The following USH2A variants were observed in gnomAD, a reference collection of about 807,000 sequenced individuals.
USH2A encodes Usher syndrome 2A (autosomal recessive, mild).
In USH2A, 443 loss-of-function variants were observed where a neutral mutation model predicts 538.9. The ratio of observed to expected loss-of-function variants is 0.82; its 90% CI spans 0.76 to 0.89. The LOEUF (loss-of-function observed/expected upper bound fraction) is 0.89, where lower values mean the gene tolerates loss of function less well. Among genes scored for constraint, USH2A ranks in the 40% least tolerant of loss-of-function variants. The pLI is 0.00. For missense variants in USH2A, 6,633 were observed against 6,324.8 expected, an observed-to-expected ratio of 1.05 and a Z score of -1.65; for synonymous variants, 2,413 against 2,273.5, an observed-to-expected ratio of 1.06 and a Z score of -1.75.
chr1:216,030,145 T>A (rs1262949682), intron 32 of USH2A, among the ~76,000 whole-genome samples: 1 of 143,102 alleles, frequency 7.0e-6, no homozygotes, highest in African/African-American at 2.5e-5. Context: ...AGATATATAA[T>A]ATATATGATA....
chr1:216,185,610 A>C (rs1356280975), intron 20 of USH2A, among the ~76,000 whole-genome samples: 2 of 151,900 alleles, frequency 1.3e-5, no homozygotes, highest in African/African-American at 4.8e-5. Context: ...AATCCATTGG[A>C]GTTCATTGGA....
rs1008676595 is a variant in USH2A at position 215,961,168 on chromosome 1, A to T, written c.7120+4149T>A. Among the ~76,000 whole-genome samples, 10 of 152,090 alleles carry T rather than the reference A, an allele frequency of 6.6e-5. No homozygotes were observed. In the East Asian group the frequency reaches 1.9e-3, roughly 29 times the overall value. ...GATCATCTAATAGATATAAACATTT[A>T]AAATCGTGGCTTTCAGAAGACAGGT... On this transcript the variant is annotated intron_variant, in intron 37 of 71. Transcript: ENST00000307340.
At chr1:215,650,848 G>A (rs1390169545) in intron 64 of USH2A, 47 bp from the exon 65 acceptor site, 2 of 1,539,322 alleles carry the variant, frequency 1.3e-6, no homozygotes, top group African/African-American at 1.5e-5. Flanking sequence ...ATACCCTAAG[G>A]CTGGGAAAAA....
rs763678480 is a variant in USH2A, at chr1:216,422,031, T to A, written c.306A>T (p.Ser102=). ...GTGTGATGCAGCTACTGAGGCCTGC[T>A]GAGAAAAGGGCAGTGTAGGTAGGGT... ...SSHPTYTALF[S]AGLSSCITPD... The change falls in exon 2 of 72, where the codon TCA becomes TCT. Residue 102 remains serine (S), a synonymous_variant. Coordinates refer to ENST00000307340, the MANE Select transcript of USH2A (RefSeq NM_206933.4). 6.2e-7 allele frequency: 1 copy of A among 1,613,898 alleles called. No homozygotes were observed. The highest frequency in any genetic ancestry group is 2.2e-5 in the East Asian group (1 of 44,838).
At chr1:216,163,868 TA>T (rs2034116421) in intron 21 of USH2A, among the ~76,000 whole-genome samples, 1 of 151,978 alleles carries the variant, frequency 6.6e-6, no homozygotes, top group Admixed American at 6.6e-5. Context: ...AAGGCTCACC[TA>T]CATGGTTTTT....
intron 52 of USH2A, 128 bp downstream of exon 52, chr1:215,786,542 T>A: frequency 9.5e-7 from 1 of 1,055,310 alleles, no homozygotes; most frequent in South Asian, 1.3e-5. Context: ...CTAGCTGGCC[T>A]CAAAGTATGA....
chr1:215,878,705 C>T, intron 42 of USH2A, 59 bp downstream of exon 42: 1 of 1,556,354 alleles, frequency 6.4e-7, no homozygotes, highest in Admixed American at 1.8e-5. Flanking sequence ...CTTCATTTCC[C>T]TACTTCTCAG....
intron 32 of USH2A, among the ~76,000 whole-genome samples, chr1:216,002,067 G>A (rs1490788874): frequency 2.6e-5 from 4 of 152,256 alleles, no homozygotes; most frequent in African/African-American, 9.6e-5. Context: ...GCCAGGGACT[G>A]CTGAGAGATG....
At chr1:216,218,654 G>T (rs2035391779) in intron 14 of USH2A, among the ~76,000 whole-genome samples, 1 of 151,962 alleles carries the variant, frequency 6.6e-6, no homozygotes, top group South Asian at 2.1e-4. Context: ...ATCCCCTTGG[G>T]AATAAATAAA....
chr1:216,321,763 A>T, intron 9 of USH2A, 120 bp downstream of exon 9: 2 of 862,774 alleles, frequency 2.3e-6, no homozygotes, highest in Non-Finnish European at 3.8e-6. Context: ...TTGACATTTT[A>T]AGTTCATATC....
intron 45 of USH2A, among the ~76,000 whole-genome samples, chr1:215,845,013 C>G (rs1432493887): frequency 6.6e-6 from 1 of 152,038 alleles, no homozygotes; most frequent in East Asian, 1.9e-4. Flanking sequence ...ATGTTGATTA[C>G]CATAGGTAAT....
At chr1:215,770,040 T>C (rs1054692976) in intron 55 of USH2A, among the ~76,000 whole-genome samples, 1 of 152,220 alleles carries the variant, frequency 6.6e-6, no homozygotes, top group Non-Finnish European at 1.5e-5. Flanking sequence ...TTTGCTAATG[T>C]GTGTCAAGCA....
chr1:216,000,514 T>A lies in USH2A; in HGVS notation c.6374A>T (p.His2125Leu). Residue 2125 changes from histidine (H) to leucine (L), a missense_variant, in exon 33 of 72, where the codon CAT (histidine) becomes CTT (leucine). Transcript: ENST00000307340. ...CCAGGAACTGTTTGTACAGCCCACA[T>A]GTGTGCATGCACTTAGTAGAAACTG... ...PHQFLLSACTHVGCTNSSWVL... is the reference protein window; with the variant it reads ...PHQFLLSACTLVGCTNSSWVL... 1.9e-6 allele frequency: 3 copies of A among 1,613,692 alleles called. No homozygotes were observed. Among genetic ancestry groups the A allele is most frequent in the Non-Finnish European group, 2.5e-6 (3 of 1,179,700 alleles).
At chr1:215,889,194 C>A in intron 40 of USH2A, 140 bp from the exon 41 acceptor site, 2 of 1,008,384 alleles carry the variant, frequency 2.0e-6, no homozygotes, top group Non-Finnish European at 2.9e-6. Context: ...TAAATAAGTG[C>A]CATAAAGACA....
intron 9 of USH2A, among the ~76,000 whole-genome samples, chr1:216,302,458 G>A (rs947978206): frequency 1.3e-5 from 2 of 151,972 alleles, no homozygotes; most frequent in East Asian, 1.9e-4. Context: ...GAAATGCCAC[G>A]TGTTTATCCT....
intron 52 of USH2A, among the ~76,000 whole-genome samples, chr1:215,786,059 T>G (rs1558097213): frequency 6.6e-6 from 1 of 152,122 alleles, no homozygotes; most frequent in Non-Finnish European, 1.5e-5. Flanking sequence ...CAGAACTGTT[T>G]TAGAGATAAT....
intron 34 of USH2A, among the ~76,000 whole-genome samples, chr1:215,995,777 A>T (rs944921027): frequency 6.6e-6 from 1 of 152,228 alleles, no homozygotes; most frequent in Non-Finnish European, 1.5e-5. Context: ...TAAAGGCATA[A>T]CTCTGCCTTG....
chr1:216,362,325 C>A (rs1422815750), intron 4 of USH2A, among the ~76,000 whole-genome samples: 2 of 151,928 alleles, frequency 1.3e-5, no homozygotes, highest in Non-Finnish European at 2.9e-5. Context: ...ATGATCAAGA[C>A]ATACGTAAAA....
chr1:215,623,123 C>T lies in USH2A; in HGVS notation c.*2658G>A, dbSNP rs1038200853. ...TTTGGGTTCCATTTAGTGGAAATTA[C>T]AGTAGATTATAAACACATTTCTTAG... On this transcript the variant is annotated 3_prime_UTR_variant, in exon 72 of 72. Transcript: ENST00000307340. 1 of 152,048 alleles carries T rather than the reference C, an allele frequency of 6.6e-6. No homozygotes were observed. Among genetic ancestry groups the T allele is most frequent in the Admixed American group, 6.6e-5 (1 of 15,242 alleles). 9.4% of individuals were successfully genotyped at this position (152,048 alleles called of 1,614,324 possible).
Sources: allele counts gnomAD v4.1 joint callset (sites outside exome capture counted in the v4.1 genomes callset), GRCh38; gene constraint gnomAD v4.1.1; transcripts MANE v1.5; gene names NCBI Gene and HGNC (gene_info 2026-07-23, HGNC 2026-07-21).